RCL1: variants seen among roughly 807,000 people sequenced by gnomAD.
The protein encoded by RCL1 is RNA terminal phosphate cyclase like 1, also known as RNA 3'-terminal phosphate cyclase-like protein.
A neutral mutation model predicts 42.4 loss-of-function variants in RCL1; 24 were observed. The ratio of observed to expected loss-of-function variants is 0.57; its 90% CI spans 0.41 to 0.80. RCL1 has a LOEUF of 0.80. RCL1 is among the 30% of genes least tolerant of loss of function. The pLI is 0.00. For missense variants in RCL1, 578 were observed against 467.9 expected (o/e 1.24, Z -2.17); for synonymous variants, 228 against 177.3 (o/e 1.29, Z -2.27).
At chr9:4,858,110 A>G (rs1441279055) in intron 8 of RCL1, among the ~76,000 whole-genome samples, 5 of 151,928 alleles carry the variant, frequency 3.3e-5, no homozygotes, top group African/African-American at 4.8e-5. Context: ...TCCAGGCCCC[A>G]AGCAATTTGC....
At chr9:4,816,707 T>C (rs992005160) in intron 1 of RCL1, among the ~76,000 whole-genome samples, 1 of 152,230 alleles carries the variant, frequency 6.6e-6, no homozygotes, top group African/African-American at 2.4e-5. Flanking sequence ...TTTCATCTGT[T>C]CTCATTAAAT....
At chr9:4,813,953 C>G (rs1173630745) in intron 1 of RCL1, among the ~76,000 whole-genome samples, 1 of 152,108 alleles carries the variant, frequency 6.6e-6, no homozygotes, top group Non-Finnish European at 1.5e-5. Flanking sequence ...AAACCAAACA[C>G]TGCATGTTCT....
chr9:4,826,785 C>T, intron 2 of RCL1, 73 bp from the exon 3 acceptor site: 1 of 1,330,232 alleles, frequency 7.5e-7, no homozygotes, highest in Non-Finnish European at 1.0e-6. Flanking sequence ...CCTTGGAACT[C>T]ACTGCCTTCA....
At chr9:4,797,672 T>C (rs1842933527) in intron 1 of RCL1, among the ~76,000 whole-genome samples, 3 of 152,234 alleles carry the variant, frequency 2.0e-5, no homozygotes, top group Admixed American at 2.0e-4. Context: ...CCTGGCCTAC[T>C]TGACAGTAGT....
intron 3 of RCL1, chr9:4,827,299 T>C: frequency 8.1e-7 from 1 of 1,227,222 alleles, no homozygotes; most frequent in Admixed American, 2.8e-5. Flanking sequence ...CTCCGTCTCA[T>C]CATAGTTGAC....
intron 1 of RCL1, among the ~76,000 whole-genome samples, chr9:4,798,097 G>A (rs1435087638): frequency 6.6e-6 from 1 of 152,186 alleles, no homozygotes; most frequent in Non-Finnish European, 1.5e-5. Flanking sequence ...CGTGTAGTGA[G>A]GGACAGAGCT....
chr9:4,850,406 C>A lies in RCL1; in HGVS notation c.971+856C>A, dbSNP rs142269012. The A allele has an allele frequency of 2.8e-4, 140 of 506,152 alleles. 1 individual carries two copies. Among genetic ancestry groups the A allele is most frequent in the Non-Finnish European group, 5.1e-4 (123 of 241,356 alleles). The allele number at this position is 506,152 out of a possible 1,614,324, so 31.4% of individuals were successfully genotyped here. On this transcript the variant is annotated intron_variant, in intron 8 of 8. Coordinates refer to ENST00000381750, the MANE Select transcript of RCL1 (RefSeq NM_005772.5). ...CACATTGAGAAAGGGTTGAGGACTG[C>A]GGTGGGGCTATGCACCCTTGGGCCA...
intron 2 of RCL1, among the ~76,000 whole-genome samples, chr9:4,825,962 G>C (rs1205386985): frequency 6.6e-6 from 1 of 151,966 alleles, no homozygotes; most frequent in African/African-American, 2.4e-5. Flanking sequence ...GAGTGTGGTA[G>C]CATGTGCCTA....
intron 1 of RCL1, among the ~76,000 whole-genome samples, chr9:4,800,198 T>G (rs551896635): frequency 2.0e-5 from 3 of 152,112 alleles, no homozygotes; most frequent in Non-Finnish European, 4.4e-5. Context: ...TAAAAATTTG[T>G]GGACAGGTTT....
intron 1 of RCL1, among the ~76,000 whole-genome samples, chr9:4,812,603 G>C (rs1181329713): frequency 1.3e-5 from 2 of 151,970 alleles, no homozygotes; most frequent in Non-Finnish European, 2.9e-5. Context: ...TTTTTTCTCA[G>C]AATTGCTTTG....
intron 8 of RCL1, among the ~76,000 whole-genome samples, chr9:4,857,172 G>T (rs976657586): frequency 1.3e-5 from 2 of 152,156 alleles, no homozygotes; most frequent in African/African-American, 4.8e-5. Context: ...TCACAGACTT[G>T]TGTAACCACA....
intron 1 of RCL1, among the ~76,000 whole-genome samples, chr9:4,815,453 C>T (rs199739349): frequency 2.1e-5 from 3 of 141,370 alleles, no homozygotes; most frequent in Admixed American, 1.4e-4. Flanking sequence ...TTTTTCTTTT[C>T]TTTTTTTTTT....
chr9:4,833,991 C>T, intron 4 of RCL1, 150 bp from the exon 5 acceptor site: 2 of 768,280 alleles, frequency 2.6e-6, no homozygotes, highest in Non-Finnish European at 3.9e-6. Context: ...ACATAAGGTG[C>T]TGTTGGTCTT....
At chr9:4,809,439 A>G (rs1816094030) in intron 1 of RCL1, among the ~76,000 whole-genome samples, 1 of 151,866 alleles carries the variant, frequency 6.6e-6, no homozygotes, top group East Asian at 2.0e-4. Flanking sequence ...CCTCCCAAGT[A>G]GCTGGGGCTA....
At chr9:4,825,971 T>C (rs1044938303) in intron 2 of RCL1, among the ~76,000 whole-genome samples, 1 of 151,778 alleles carries the variant, frequency 6.6e-6, no homozygotes, top group African/African-American at 2.4e-5. Flanking sequence ...AGCATGTGCC[T>C]AGGGTCTCAG....
At chr9:4,842,387 T>C (rs910272222) in intron 6 of RCL1, among the ~76,000 whole-genome samples, 1 of 152,128 alleles carries the variant, frequency 6.6e-6, no homozygotes, top group Non-Finnish European at 1.5e-5. Flanking sequence ...ACCTTTGACC[T>C]TTATAAGGCC....
chr9:4,832,153 A>T (rs1458569857), intron 3 of RCL1, among the ~76,000 whole-genome samples: 1 of 152,230 alleles, frequency 6.6e-6, no homozygotes, highest in East Asian at 1.9e-4. Context: ...GAATCCACAA[A>T]TGGATCAGAA....
At position 4,833,319 on chromosome 9, in the gene RCL1, T is replaced by C. The variant is rs987189223; in HGVS notation, c.459+91T>C. On this transcript the variant is annotated intron_variant, in intron 4 of 8. Coordinates refer to ENST00000381750, the MANE Select transcript of RCL1 (RefSeq NM_005772.5). ...AGAGCTGTGTGACTCAGTGTATGTG[T>C]GTCACATTTGAAGTCACCAGTTATC... 18 of 943,326 alleles carry C rather than the reference T, an allele frequency of 1.9e-5. No homozygotes were observed. The South Asian group carries it at 2.4e-4, about 12-fold the overall frequency. 58.4% of individuals were successfully genotyped at this position (943,326 alleles called of 1,614,324 possible). A position where few individuals can be genotyped will look rare whatever the true frequency, so the allele number is the denominator to read the frequency against.
intron 5 of RCL1, chr9:4,839,530 C>A: frequency 3.5e-6 from 1 of 288,180 alleles, no homozygotes. Flanking sequence ...TGGGCAGCCT[C>A]AGACCTCAGA....
Sources: gnomAD v4.1 joint callset for allele counts (sites outside exome capture counted in the v4.1 genomes callset) on GRCh38, gnomAD v4.1.1 for gene constraint, MANE v1.5 for transcripts, NCBI Gene and HGNC (gene_info 2026-07-23, HGNC 2026-07-21) for gene names.